The following WLS variants were observed in gnomAD, a reference collection of about 807,000 sequenced individuals.
The protein encoded by WLS is protein wntless homolog.
In WLS, 23 loss-of-function variants were observed where a neutral mutation model predicts 62.8. The observed-to-expected ratio is 0.37, with a 90% confidence interval of 0.26 to 0.52. The LOEUF (loss-of-function observed/expected upper bound fraction) is 0.52. Ranked by LOEUF, WLS falls within the 20% of genes least tolerant of loss-of-function variation. The probability of loss-of-function intolerance (pLI) is 0.92; values close to 1 mark genes in which losing one functional copy is unlikely to be tolerated. For synonymous variants in WLS, 246 were observed against 244.1 expected (o/e 1.01, Z -0.07); for missense variants, 615 against 697.3 (o/e 0.88, Z 1.33).
Position 68,126,128 on chromosome 1 carries a change from G to T in WLS, c.*98C>A, listed in dbSNP as rs1289610804. ...AGAAACCACAGCTAAGAGCCATGAG[G>T]CATTCATTTGTACATTGAGCTCTCT... On this transcript the variant is annotated 3_prime_UTR_variant, in exon 12 of 12. Transcript: ENST00000262348. 11 of 1,523,588 alleles carry T rather than the reference G, an allele frequency of 7.2e-6. No homozygotes were observed. The highest frequency in any genetic ancestry group is 1.4e-5 in the African/African-American group (1 of 72,626). 94.4% of individuals were successfully genotyped at this position (1,523,588 alleles called of 1,614,324 possible). A position where few individuals can be genotyped will look rare whatever the true frequency, so the allele number is the denominator to read the frequency against.
At chr1:68,098,720 C>T (rs1646039400) in exon 12 of WLS, 1 of 1,613,902 alleles carries the variant, frequency 6.2e-7, no homozygotes, top group East Asian at 2.2e-5. Context: ...AAACAAAGCA[C>T]AATCTTCCCT....
At chr1:68,148,109 A>G in intron 8 of WLS, 27 bp downstream of exon 8, 1 of 1,613,176 alleles carries the variant, frequency 6.2e-7, no homozygotes, top group East Asian at 2.2e-5. Flanking sequence ...GAAGAAATAA[A>G]ACCCTGAGCC....
In WLS at chr1:68,126,225, C is replaced by G. The variant is rs1389086497; in HGVS notation, c.*1G>C. 1 of 1,614,144 alleles carries G rather than the reference C, an allele frequency of 6.2e-7. No individual in the cohort carries two copies. The highest frequency in any genetic ancestry group is 2.2e-5 in the East Asian group (1 of 44,852). ...CCGTCCCAGCCGGGCGCTGCAGCCT[C>G]CTACTCCTGGGCCTCCTTGCGGGTC... On this transcript the variant is annotated 3_prime_UTR_variant, in exon 12 of 12. Coordinates refer to ENST00000262348, the MANE Select transcript of WLS (RefSeq NM_024911.7).
chr1:68,137,679 A>C, intron 11 of WLS, 101 bp downstream of exon 11: 1 of 1,365,016 alleles, frequency 7.3e-7, no homozygotes, highest in African/African-American at 1.4e-5. Flanking sequence ...ACTTGGAGGG[A>C]AAGTTTCACT....
downstream of WLS, among the ~76,000 whole-genome samples, chr1:68,122,107 C>T (rs1646371096): frequency 1.3e-5 from 2 of 152,180 alleles, no homozygotes; most frequent in Admixed American, 1.3e-4. Context: ...CCAATGTTAC[C>T]ATTCAGCCTT....
intron 2 of WLS, among the ~76,000 whole-genome samples, chr1:68,164,262 A>ATTT (rs3053539): frequency 2.7e-5 from 4 of 148,304 alleles, no homozygotes; most frequent in African/African-American, 9.8e-5. Context: ...AAGAGATTTC[A>ATTT]TTTTTTTTTT....
chr1:68,172,741 G>A (rs1557495779), intron 2 of WLS, among the ~76,000 whole-genome samples: 1 of 152,128 alleles, frequency 6.6e-6, no homozygotes, highest in Non-Finnish European at 1.5e-5. Context: ...AGTTCACTAG[G>A]CAGCGAGATA....
At chr1:68,120,969 A>G (rs931640143), downstream of WLS, among the ~76,000 whole-genome samples, 2 of 152,268 alleles carry the variant, frequency 1.3e-5, no homozygotes, top group Non-Finnish European at 2.9e-5. Flanking sequence ...ACAGGGATAT[A>G]TGTAAAGTTC....
intron 11 of WLS, among the ~76,000 whole-genome samples, chr1:68,115,226 G>A (rs1416062718): frequency 6.6e-6 from 1 of 152,170 alleles, no homozygotes; most frequent in Non-Finnish European, 1.5e-5. Flanking sequence ...TGCAAGAGGT[G>A]GCTTAACCCT....
rs762026214 is a variant in WLS, at chr1:68,153,543, C to T, written c.777G>A (p.Met259Ile). 2.5e-6 allele frequency: 4 copies of T among 1,614,040 alleles called. No individual in the cohort carries two copies. Among genetic ancestry groups the T allele is most frequent in the Non-Finnish European group, 3.4e-6 (4 of 1,180,040 alleles). ...MVWYWRRITM[M>I]SRPPVLLEKV... ...TTTCCAGAAGCACTGGGGGTCGGGA[C>T]ATCATGGTGATCCTCCTCCAATACC... is the stretch of plus-strand genomic sequence containing the variant. Residue 259 changes from methionine to isoleucine, a missense_variant, in exon 5 of 12, where the codon ATG (methionine) becomes ATA (isoleucine). Met to Ile is a conservative substitution (Grantham distance 10, BLOSUM62 1). Coordinates refer to ENST00000262348, the MANE Select transcript of WLS (RefSeq NM_024911.7).
chr1:68,102,286 CTCT>C (rs1331219683), intron 11 of WLS, among the ~76,000 whole-genome samples: 3 of 152,180 alleles, frequency 2.0e-5, no homozygotes, highest in Non-Finnish European at 2.9e-5. Flanking sequence ...AGAATGACTT[CTCT>C]TCTTAGGGAG....
At chr1:68,139,758 T>A (rs1646660582) in intron 10 of WLS, among the ~76,000 whole-genome samples, 1 of 152,188 alleles carries the variant, frequency 6.6e-6, no homozygotes, top group Non-Finnish European at 1.5e-5. Context: ...TAGACATATG[T>A]TGAATGAACA....
chr1:68,147,335 C>A (rs1244157730), intron 8 of WLS, among the ~76,000 whole-genome samples: 2 of 152,094 alleles, frequency 1.3e-5, no homozygotes, highest in African/African-American at 4.8e-5. Flanking sequence ...TCTCTCTCAT[C>A]TTTGAGGAAA....
chr1:68,230,432 C>A (rs1650352561), intron 1 of WLS, among the ~76,000 whole-genome samples: 2 of 152,126 alleles, frequency 1.3e-5, no homozygotes, highest in Non-Finnish European at 2.9e-5. Context: ...ATTGTAACCG[C>A]TGCATAATCA....
chr1:68,099,385 CAAT>C (rs1646049258), intron 11 of WLS, among the ~76,000 whole-genome samples: 1 of 152,212 alleles, frequency 6.6e-6, no homozygotes, highest in East Asian at 1.9e-4. Context: ...CTTGTATACT[CAAT>C]AAAGTTGAGA....
At chr1:68,103,141 G>A (rs967333794) in intron 11 of WLS, among the ~76,000 whole-genome samples, 2 of 152,134 alleles carry the variant, frequency 1.3e-5, no homozygotes, top group African/African-American at 4.8e-5. Context: ...GAATTACATG[G>A]CTGGACTTCT....
At chr1:68,168,026 A>G (rs896582527) in intron 2 of WLS, among the ~76,000 whole-genome samples, 9 of 152,168 alleles carry the variant, frequency 5.9e-5, no homozygotes, top group Admixed American at 4.6e-4. Context: ...CCTGCTTGAG[A>G]AAAGCAAAGC....
chr1:68,143,480 A>G (rs995136743), intron 10 of WLS, among the ~76,000 whole-genome samples: 5 of 152,210 alleles, frequency 3.3e-5, no homozygotes, highest in African/African-American at 1.2e-4. Context: ...AACAGACCAC[A>G]TGTATGACAG....
At position 68,132,245 on chromosome 1, in the gene WLS, G is replaced by A. The variant is rs565452225; in HGVS notation, c.1516+5535C>T. Among the ~76,000 whole-genome samples the A allele has an allele frequency of 2.0e-5, 3 of 152,310 alleles. No individual in the cohort carries two copies. The East Asian group carries it at 5.8e-4, about 29-fold the overall frequency. ...ACAGCTGAGCAAGGGGTGCCAGGCT[G>A]GTGACGGTCCATCAGTTGGTTCCCA... On this transcript the variant is annotated intron_variant, in intron 11 of 11. Coordinates refer to ENST00000262348, the MANE Select transcript of WLS (RefSeq NM_024911.7).
Sources: gnomAD v4.1 joint callset for allele counts (sites outside exome capture counted in the v4.1 genomes callset) on GRCh38, gnomAD v4.1.1 for gene constraint, MANE v1.5 for transcripts, NCBI Gene and HGNC (gene_info 2026-07-23, HGNC 2026-07-21) for gene names.